EPHB1: variants seen among roughly 807,000 people sequenced by gnomAD.
EPHB1 encodes the protein EPH receptor B1, also known as ephrin type-B receptor 1.
A neutral mutation model predicts 94.4 loss-of-function variants in EPHB1; 30 were observed. The ratio of observed to expected loss-of-function variants is 0.32; its 90% CI spans 0.24 to 0.43. The LOEUF (loss-of-function observed/expected upper bound fraction) is 0.43. EPHB1 is among the 20% of genes least tolerant of loss of function. EPHB1 has a pLI of 1.00. For missense variants in EPHB1, 1,055 were observed against 1,308.3 expected (o/e 0.81, Z 2.99); for synonymous variants, 522 against 489.1 (o/e 1.07, Z -0.89).
At chr3:134,997,637 A>G (rs1935038761) in intron 3 of EPHB1, among the ~76,000 whole-genome samples, 1 of 152,190 alleles carries the variant, frequency 6.6e-6, no homozygotes, top group Non-Finnish European at 1.5e-5. Context: ...TGTTTCTGCT[A>G]TAACGTTTTT....
At chr3:134,873,084 A>G (rs1345038438) in intron 1 of EPHB1, among the ~76,000 whole-genome samples, 1 of 152,188 alleles carries the variant, frequency 6.6e-6, no homozygotes, top group African/African-American at 2.4e-5. Context: ...ATAGACTCTT[A>G]AACTAGAGCC....
intron 3 of EPHB1, among the ~76,000 whole-genome samples, chr3:135,045,449 G>C (rs1252647390): frequency 6.6e-6 from 1 of 152,148 alleles, no homozygotes; most frequent in East Asian, 1.9e-4. Context: ...TTGTTGCAAG[G>C]ACAAGCACTC....
intron 3 of EPHB1, among the ~76,000 whole-genome samples, chr3:135,079,086 CA>C (rs138343375): frequency 5.9e-5 from 8 of 135,264 alleles, no homozygotes; most frequent in Admixed American, 1.5e-4. Context: ...TAAAAACAAG[CA>C]AAAAAAAAAC....
chr3:135,166,030 G>A lies in EPHB1; in HGVS notation c.1648G>A (p.Val550Ile), dbSNP rs2107699692. 6.2e-7 allele frequency: 1 copy of A among 1,613,968 alleles called. No homozygotes were observed. Among genetic ancestry groups the A allele is most frequent in the Non-Finnish European group, 8.5e-7 (1 of 1,179,874 alleles). The change falls in exon 8 of 16, where the codon GTC (valine) becomes ATC (isoleucine). Residue 550 changes from valine to isoleucine, a missense_variant. Physicochemically the swap from Val to Ile is conservative, Grantham distance 29. Coordinates refer to ENST00000398015, the MANE Select transcript of EPHB1 (RefSeq NM_004441.5). ...GATTGCTGGCTCGGCAGCGGCCGGG[G>A]TCGTGTTCGTTGTGTCCTTGGTGGC... ...PLIAGSAAAG[V>I]VFVVSLVAIS... is the part of the protein sequence containing the mutation.
intron 1 of EPHB1, among the ~76,000 whole-genome samples, chr3:134,820,918 A>C (rs560648084): frequency 6.6e-6 from 1 of 152,336 alleles, no homozygotes; most frequent in African/African-American, 2.4e-5. Context: ...ATTATAAAGA[A>C]TTGGCTCACA....
chr3:134,899,258 G>T (rs550044638), intron 1 of EPHB1, among the ~76,000 whole-genome samples: 14 of 152,206 alleles, frequency 9.2e-5, no homozygotes, highest in African/African-American at 3.4e-4. Context: ...CTTCTCAGCT[G>T]CAGGGCTTCA....
At chr3:135,000,599 T>A (rs1935141398) in intron 3 of EPHB1, among the ~76,000 whole-genome samples, 1 of 152,220 alleles carries the variant, frequency 6.6e-6, no homozygotes, top group South Asian at 2.1e-4. Flanking sequence ...ACTCAATTCC[T>A]AGTACTACTC....
chr3:135,220,975 C>T (rs1943268768), intron 12 of EPHB1, among the ~76,000 whole-genome samples: 2 of 152,196 alleles, frequency 1.3e-5, no homozygotes, highest in Admixed American at 6.5e-5. Flanking sequence ...GGGTCTCTCA[C>T]TTTAGCCCTG....
chr3:134,965,723 C>T (rs1933715334), intron 3 of EPHB1, among the ~76,000 whole-genome samples: 1 of 152,144 alleles, frequency 6.6e-6, no homozygotes, highest in Admixed American at 6.5e-5. Context: ...TCGAGTTAAC[C>T]ATGTCTAAGC....
rs147214908 is a variant in EPHB1, at chr3:135,155,475, T to C, written c.1422+1199T>C. On this transcript the variant is annotated intron_variant, in intron 6 of 15. Transcript: ENST00000398015. ...AGCAAATGGGGAAGTAATAGACAGA[T>C]GAGAGAGATTACCAGAGGAGGTCAT... Among the ~76,000 whole-genome samples the C allele has an allele frequency of 6.6e-5, 10 of 152,066 alleles. No homozygotes were observed. The East Asian group carries it at 1.9e-3, about 29-fold the overall frequency.
Position 135,048,263 on chromosome 3 carries a change from T to C in EPHB1, c.806-58185T>C, listed in dbSNP as rs909323083. Among the ~76,000 whole-genome samples, 12 of 127,622 alleles carry C rather than the reference T, an allele frequency of 9.4e-5. No individual in the cohort carries two copies. In the South Asian group the frequency reaches 1.1e-3, roughly 12 times the overall value. 83.7% of individuals were successfully genotyped at this position (127,622 alleles called of 152,430 possible). A position where few individuals can be genotyped will look rare whatever the true frequency, so the allele number is the denominator to read the frequency against. The stretch of plus-strand genomic sequence containing the variant: ...CTTTTTCTTTCTTTCTTTTTTCTTT[T>C]TTTTTTTTTTTTTTTTTTTGAGATA... On this transcript the variant is annotated intron_variant, in intron 3 of 15. Transcript: ENST00000398015.
intron 3 of EPHB1, among the ~76,000 whole-genome samples, chr3:135,003,561 T>G (rs560277941): frequency 6.6e-6 from 1 of 151,846 alleles, no homozygotes; most frequent in East Asian, 1.9e-4. Flanking sequence ...CAGTGGGGTG[T>G]TAAAGTCTCC....
intron 10 of EPHB1, among the ~76,000 whole-genome samples, chr3:135,180,905 C>T (rs1942136219): frequency 6.6e-6 from 1 of 152,208 alleles, no homozygotes; most frequent in Non-Finnish European, 1.5e-5. Flanking sequence ...AAGCTCTCTT[C>T]ACTAATATGC....
At chr3:135,225,480 G>A (rs1318304110) in intron 12 of EPHB1, among the ~76,000 whole-genome samples, 1 of 152,210 alleles carries the variant, frequency 6.6e-6, no homozygotes. Context: ...GGGAGACCAT[G>A]GCATTAGAGA....
chr3:134,987,687 C>T (rs1934651597), intron 3 of EPHB1, among the ~76,000 whole-genome samples: 1 of 152,188 alleles, frequency 6.6e-6, no homozygotes, highest in Non-Finnish European at 1.5e-5. Context: ...AGGAGAACCG[C>T]TTGAACCCGG....
At chr3:134,823,167 A>C (rs115254790) in intron 1 of EPHB1, among the ~76,000 whole-genome samples, 1 of 152,218 alleles carries the variant, frequency 6.6e-6, no homozygotes, top group African/African-American at 2.4e-5. Context: ...CTTAAAAGCC[A>C]TTAAGTCACT....
chr3:134,900,554 A>G (rs1371302183), intron 1 of EPHB1, among the ~76,000 whole-genome samples: 1 of 152,126 alleles, frequency 6.6e-6, no homozygotes, highest in African/African-American at 2.4e-5. Context: ...CCAGGATGTC[A>G]TGACTCCTCT....
At chr3:135,082,258 A>G (rs1277782200) in intron 3 of EPHB1, among the ~76,000 whole-genome samples, 1 of 152,230 alleles carries the variant, frequency 6.6e-6, no homozygotes, top group Admixed American at 6.5e-5. Flanking sequence ...AGTACTTGAA[A>G]TAGCCACATG....
At chr3:134,842,750 C>T (rs2036800037) in intron 1 of EPHB1, among the ~76,000 whole-genome samples, 1 of 152,206 alleles carries the variant, frequency 6.6e-6, no homozygotes, top group South Asian at 2.1e-4. Context: ...GAGTGCTTTT[C>T]CCACTGTTTC....
Sources: allele counts gnomAD v4.1 joint callset (sites outside exome capture counted in the v4.1 genomes callset), GRCh38; gene constraint gnomAD v4.1.1; transcripts MANE v1.5; gene names NCBI Gene and HGNC (gene_info 2026-07-23, HGNC 2026-07-21).